The following ZNF782 variants were observed in gnomAD, a reference collection of about 807,000 sequenced individuals.
ZNF782 encodes zinc finger protein 782.
In ZNF782, 12 loss-of-function variants were observed where a neutral mutation model predicts 13.0. The ratio of observed to expected loss-of-function variants is 0.92; its 90% CI spans 0.59 to 1.50. The LOEUF (loss-of-function observed/expected upper bound fraction) is 1.50. ZNF782 is among the 40% of genes most tolerant of loss of function. The probability of loss-of-function intolerance (pLI) is 0.00; values close to 1 mark genes in which losing one functional copy is unlikely to be tolerated. For synonymous variants in ZNF782, 284 were observed against 283.0 expected, an observed-to-expected ratio of 1.00 and a Z score of -0.04; for missense variants, 770 against 822.9, an observed-to-expected ratio of 0.94 and a Z score of 0.79.
chr9:96,909,304 TGAGGAGGAA>T, the ZNF782 span, among the ~76,000 whole-genome samples: 845 of 151,816 alleles, frequency 5.6e-3, no homozygotes, highest in African/African-American at 0.019. Context: ...ATTCTGATGA[TGAGGAGGAA>T]GAGGAGGAGA....
the ZNF782 span, among the ~76,000 whole-genome samples, chr9:96,922,698 C>T: frequency 1.3e-5 from 2 of 150,308 alleles, no homozygotes; most frequent in Admixed American, 6.6e-5. Flanking sequence ...GGCGTGAACC[C>T]GGGAGGCGGA....
chr9:96,875,020 C>T (rs1851876692), intron 1 of ZNF782, among the ~76,000 whole-genome samples: 1 of 152,178 alleles, frequency 6.6e-6, no homozygotes, highest in Non-Finnish European at 1.5e-5. Context: ...CATTATTTCC[C>T]TGTGTATTTT....
the ZNF782 span, among the ~76,000 whole-genome samples, chr9:96,930,776 T>C: frequency 6.9e-6 from 1 of 144,158 alleles, no homozygotes; most frequent in African/African-American, 2.6e-5. Flanking sequence ...CTTGTGTGGG[T>C]GGTGCCAGGA....
intron 1 of ZNF782, among the ~76,000 whole-genome samples, chr9:96,862,584 TAAG>T (rs1851713643): frequency 6.6e-6 from 1 of 152,224 alleles, no homozygotes; most frequent in Non-Finnish European, 1.5e-5. Context: ...TTCTTGTGAC[TAAG>T]AAGAGACTAG....
the ZNF782 span, chr9:96,892,984 A>T: frequency 6.6e-6 from 1 of 151,982 alleles, no homozygotes; most frequent in Non-Finnish European, 1.5e-5. Context: ...AGTGACTCTC[A>T]TAACACCCTC....
the ZNF782 span, chr9:96,894,689 A>T: frequency 6.6e-6 from 1 of 152,154 alleles, no homozygotes; most frequent in South Asian, 2.1e-4. Flanking sequence ...AACAAGTGTC[A>T]TTGAAAAATC....
upstream of ZNF782, among the ~76,000 whole-genome samples, chr9:96,879,896 G>C (rs1851941927): frequency 1.3e-5 from 2 of 151,894 alleles, no homozygotes; most frequent in Non-Finnish European, 2.9e-5. Context: ...TAGATTCCTT[G>C]GGATTTTCTG....
At chr9:96,930,266 T>C in the ZNF782 span, among the ~76,000 whole-genome samples, 1 of 152,180 alleles carries the variant, frequency 6.6e-6, no homozygotes, top group East Asian at 1.9e-4. Context: ...GGCTCACGCC[T>C]GTAATCCCAG....
chr9:96,886,299 T>C, the ZNF782 span, among the ~76,000 whole-genome samples: 1 of 150,724 alleles, frequency 6.6e-6, no homozygotes, highest in African/African-American at 2.4e-5. Context: ...AGCTCACAAG[T>C]TGAAACTTAA....
At chr9:96,910,699 C>T in the ZNF782 span, among the ~76,000 whole-genome samples, 1 of 149,850 alleles carries the variant, frequency 6.7e-6, no homozygotes, top group African/African-American at 2.4e-5. Context: ...TGCAGTGGTG[C>T]GATCTCGGCT....
chr9:96,820,542 C>CTTTT (rs375716425), intron 5 of ZNF782, among the ~76,000 whole-genome samples: 4 of 137,762 alleles, frequency 2.9e-5, no homozygotes, highest in Non-Finnish European at 3.2e-5. Context: ...AATAGTGAAT[C>CTTTT]TTTTTTTTTT....
At chr9:96,848,123 T>C (rs144080370) in intron 3 of ZNF782, among the ~76,000 whole-genome samples, 56 of 152,060 alleles carry the variant, frequency 3.7e-4, no homozygotes, top group African/African-American at 1.3e-3. Flanking sequence ...AGTGTACCTT[T>C]ATAAAAGCTC....
intron 1 of ZNF782, among the ~76,000 whole-genome samples, chr9:96,867,765 A>AT (rs1347535086): frequency 2.0e-5 from 3 of 152,198 alleles, no homozygotes; most frequent in African/African-American, 7.2e-5. Flanking sequence ...AATGAGCCCT[A>AT]TATCATCAGC....
At position 96,863,705 on chromosome 9, in the gene ZNF782, T is replaced by C. The variant is rs147612462; in HGVS notation, c.-456-2102A>G. Among the ~76,000 whole-genome samples, 1,406 of 152,330 alleles carry C rather than the reference T, an allele frequency of 9.2e-3. 53 individuals carry two copies. In the East Asian group the frequency reaches 0.1, roughly 11 times the overall value. On this transcript the variant is annotated intron_variant, in intron 1 of 5. Coordinates refer to the ZNF782 transcript ENST00000498811. ...ATAAAATGGAATGAAATAATGGCCT[T>C]TGCAGCAACTTGGATGGAGCTGGCG...
the ZNF782 span, among the ~76,000 whole-genome samples, chr9:96,882,177 TAA>T: frequency 6.6e-6 from 1 of 152,104 alleles, no homozygotes; most frequent in Non-Finnish European, 1.5e-5. Flanking sequence ...CTAAATTCAT[TAA>T]GACAGTCTCT....
At chr9:96,901,332 T>C in the ZNF782 span, among the ~76,000 whole-genome samples, 1 of 143,920 alleles carries the variant, frequency 6.9e-6, no homozygotes, top group Non-Finnish European at 1.5e-5. Context: ...AGTGCAGTGG[T>C]GCAATCTTGG....
At chr9:96,825,732 G>T (rs770630682) in intron 5 of ZNF782, among the ~76,000 whole-genome samples, 1,568 of 152,192 alleles carry the variant, frequency 0.01, 11 homozygotes, top group Admixed American at 0.015. Flanking sequence ...TCAAAAAGTG[G>T]GCAAAGGACA....
At chr9:96,888,208 T>C in the ZNF782 span, 2 of 150,820 alleles carry the variant, frequency 1.3e-5, no homozygotes, top group South Asian at 4.2e-4. Context: ...AGCATTAAAA[T>C]AAATGTACCA....
the ZNF782 span, chr9:96,891,730 T>G: frequency 6.6e-6 from 1 of 152,134 alleles, no homozygotes; most frequent in Admixed American, 6.5e-5. Context: ...GGCTAATTTT[T>G]GTATTTTTAG....
Sources: gnomAD v4.1 joint callset for allele counts (sites outside exome capture counted in the v4.1 genomes callset) on GRCh38, gnomAD v4.1.1 for gene constraint, MANE v1.5 for transcripts, NCBI Gene and HGNC (gene_info 2026-07-23, HGNC 2026-07-21) for gene names.